The following TDRD7 variants were observed in gnomAD, a reference collection of about 807,000 sequenced individuals.
TDRD7 encodes tudor domain containing 7, also known as tudor domain-containing protein 7.
TDRD7 carries 47 observed loss-of-function variants against 109.8 expected under a neutral mutation model. The observed-to-expected ratio is 0.43, with a 90% CI of 0.34 to 0.55. The LOEUF is 0.55. Ranked by LOEUF, TDRD7 falls within the 20% of genes least tolerant of loss-of-function variation. TDRD7 has a pLI of 0.03. For synonymous variants in TDRD7, 424 were observed against 457.3 expected (o/e 0.93, Z 0.93); for missense variants, 1,164 against 1,319.2 (o/e 0.88, Z 1.82).
rs749637344 is a variant in TDRD7, at chr9:97,428,650, T to C, written c.185T>C (p.Ile62Thr). The change falls in exon 2 of 17, where the codon ATA (isoleucine) becomes ACA (threonine). Residue 62 changes from isoleucine to threonine, a missense_variant. Transcript: ENST00000355295. ...AGAAGTGTGCCAGCAGTGGTCAGGA[T>C]AGAGACTAGTAGATCTGGAGAGGTA... ...YLRSVPAVVR[I>T]ETSRSGEITC... 12 of 1,613,718 alleles carry C rather than the reference T, an allele frequency of 7.4e-6. No individual in the cohort carries two copies. In the Admixed American group the frequency reaches 1.8e-4, roughly 25 times the overall value.
At chr9:97,472,103 C>T (rs973066948) in intron 9 of TDRD7, among the ~76,000 whole-genome samples, 190 bp from the exon 10 acceptor site, 1 of 151,742 alleles carries the variant, frequency 6.6e-6, no homozygotes, top group Non-Finnish European at 1.5e-5. Flanking sequence ...TTCAAAAGGG[C>T]GTTTACATTA....
chr9:97,493,526 C>T (rs770328707), intron 16 of TDRD7, among the ~76,000 whole-genome samples: 4 of 152,086 alleles, frequency 2.6e-5, no homozygotes, highest in African/African-American at 9.7e-5. Context: ...ACCACAGGAC[C>T]GGGGCGAAAT....
chr9:97,458,526 G>A lies in TDRD7; in HGVS notation c.856-1652G>A, dbSNP rs1393377058. On this transcript the variant is annotated intron_variant, in intron 6 of 16. Transcript: ENST00000355295. The stretch of plus-strand genomic sequence containing the variant: ...TTTGTGTCCCTATGGCTTAAAATGA[G>A]GGACATAAACTGCGCCAATCATATA... 2.6e-5 allele frequency among the ~76,000 whole-genome samples: 4 copies of A among 152,144 alleles called. No homozygotes were observed. The East Asian group carries it at 5.8e-4, about 22-fold the overall frequency.
intron 4 of TDRD7, among the ~76,000 whole-genome samples, chr9:97,432,740 G>A (rs1466258478): frequency 1.3e-5 from 2 of 152,098 alleles, no homozygotes; most frequent in African/African-American, 2.4e-5. Context: ...CATCTTTTGG[G>A]TCTGTGGTTT....
intron 1 of TDRD7, among the ~76,000 whole-genome samples, chr9:97,425,487 A>G (rs895856415): frequency 6.6e-6 from 1 of 152,208 alleles, no homozygotes; most frequent in Non-Finnish European, 1.5e-5. Context: ...CATATAGCCT[A>G]GGTGTGTACT....
chr9:97,419,776 T>C (rs1287754183), intron 1 of TDRD7, among the ~76,000 whole-genome samples: 1 of 152,224 alleles, frequency 6.6e-6, no homozygotes, highest in African/African-American at 2.4e-5. Context: ...CTGTCTTGTC[T>C]CCTGTTCTTA....
intron 6 of TDRD7, among the ~76,000 whole-genome samples, chr9:97,450,561 G>A (rs2118424622): frequency 6.6e-6 from 1 of 152,264 alleles, no homozygotes; most frequent in African/African-American, 2.4e-5. Flanking sequence ...GGGAAATGAG[G>A]CAGGAGATGA....
chr9:97,442,024 ATGT>A lies in TDRD7; in HGVS notation c.855+150_855+152del, dbSNP rs565779349. The A allele has an allele frequency of 5.8e-4, 414 of 712,168 alleles. 2 individuals carry two copies. Among genetic ancestry groups the A allele is most frequent in the Non-Finnish European group, 8.4e-4 (336 of 400,574 alleles). 44.1% of individuals were successfully genotyped at this position (712,168 alleles called of 1,614,324 possible). A position where few individuals can be genotyped will look rare whatever the true frequency, so the allele number is the denominator to read the frequency against. ...AATCTTTATCTCTTAAGATTAACAT[ATGT>A]CAGTTCTTATTTATAGAAGTATGTC... is the stretch of plus-strand genomic sequence containing the variant. On this transcript the variant is annotated intron_variant, in intron 6 of 16. Coordinates refer to ENST00000355295, the MANE Select transcript of TDRD7 (RefSeq NM_014290.3).
At chr9:97,417,821 A>G (rs1827835295) in intron 1 of TDRD7, among the ~76,000 whole-genome samples, 1 of 152,198 alleles carries the variant, frequency 6.6e-6, no homozygotes, top group South Asian at 2.1e-4. Flanking sequence ...CTGTGATAAT[A>G]TGTGCATTAA....
chr9:97,435,267 A>T (rs1032254085), intron 4 of TDRD7, among the ~76,000 whole-genome samples: 9 of 152,224 alleles, frequency 5.9e-5, no homozygotes, highest in Middle Eastern at 3.4e-3. Flanking sequence ...TGAAGGACAC[A>T]TGGGACCTCT....
intron 2 of TDRD7, among the ~76,000 whole-genome samples, chr9:97,429,511 G>A (rs1409984942): frequency 6.6e-6 from 1 of 152,174 alleles, no homozygotes; most frequent in Non-Finnish European, 1.5e-5. Context: ...CTATATGGGG[G>A]GATGAGGAGG....
chr9:97,485,669 AATG>A (rs1361579904), intron 15 of TDRD7, among the ~76,000 whole-genome samples: 1 of 152,236 alleles, frequency 6.6e-6, no homozygotes, highest in East Asian at 1.9e-4. Flanking sequence ...TTTTAATAAT[AATG>A]ATGATAACTA....
chr9:97,473,363 C>T (rs1022086612), intron 10 of TDRD7, 129 bp from the exon 11 acceptor site: 4 of 1,244,590 alleles, frequency 3.2e-6, no homozygotes, highest in African/African-American at 1.5e-5. Flanking sequence ...TTTCATCTTA[C>T]ATATACTCTA....
intron 4 of TDRD7, among the ~76,000 whole-genome samples, chr9:97,436,521 AGTTT>A (rs922703931): frequency 2.6e-5 from 4 of 152,094 alleles, no homozygotes; most frequent in African/African-American, 9.7e-5. Context: ...GTATTCCCTC[AGTTT>A]GTTTAATTAT....
At chr9:97,428,357 T>G (rs771369436) in intron 1 of TDRD7, 103 bp from the exon 2 acceptor site, 6 of 1,115,142 alleles carry the variant, frequency 5.4e-6, no homozygotes, top group Admixed American at 2.0e-5. Context: ...ACAGAAAGTA[T>G]GCAGTAATAA....
At chr9:97,426,049 A>G (rs948403306) in intron 1 of TDRD7, among the ~76,000 whole-genome samples, 1 of 152,180 alleles carries the variant, frequency 6.6e-6, no homozygotes, top group Non-Finnish European at 1.5e-5. Context: ...TACAGTAAAA[A>G]TATGGTATAT....
chr9:97,437,762 C>G (rs1439427845), intron 4 of TDRD7, among the ~76,000 whole-genome samples: 1 of 152,150 alleles, frequency 6.6e-6, no homozygotes, highest in Non-Finnish European at 1.5e-5. Flanking sequence ...AAATATGTCT[C>G]TAATAAACAA....
intron 6 of TDRD7, 135 bp downstream of exon 6, chr9:97,442,010 CTTAAGA>C: frequency 1.3e-6 from 1 of 760,304 alleles, no homozygotes; most frequent in Non-Finnish European, 2.3e-6. Context: ...ATCTTTATCT[CTTAAGA>C]TTAACATATG....
At chr9:97,446,701 A>G (rs1203626313) in intron 6 of TDRD7, among the ~76,000 whole-genome samples, 2 of 152,180 alleles carry the variant, frequency 1.3e-5, no homozygotes, top group African/African-American at 4.8e-5. Context: ...TTACATAGAG[A>G]TGTTTTTATA....
Sources: allele counts gnomAD v4.1 joint callset (sites outside exome capture counted in the v4.1 genomes callset), GRCh38; gene constraint gnomAD v4.1.1; transcripts MANE v1.5; gene names NCBI Gene and HGNC (gene_info 2026-07-23, HGNC 2026-07-21).